ZNF557: variants seen among roughly 807,000 people sequenced by gnomAD.
ZNF557 encodes zinc finger protein 557.
ZNF557 carries 19 observed loss-of-function variants against 21.2 expected under a neutral mutation model. That is an observed-to-expected ratio of 0.90 (90% CI 0.63 to 1.32). ZNF557 has a LOEUF of 1.32. ZNF557 is among the 40% of genes most tolerant of loss of function. The probability of loss-of-function intolerance (pLI) is 0.00; values close to 1 mark genes in which losing one functional copy is unlikely to be tolerated. For synonymous variants in ZNF557, 207 were observed against 194.8 expected, an observed-to-expected ratio of 1.06 and a Z score of -0.52; for missense variants, 487 against 519.8, an observed-to-expected ratio of 0.94 and a Z score of 0.61.
At position 7,070,582 on chromosome 19, in the gene ZNF557, G is replaced by A. The variant is rs889237201; in HGVS notation, c.-151G>A. On this transcript the variant is annotated 5_prime_UTR_variant, in exon 2 of 8. Coordinates refer to ENST00000252840, the MANE Select transcript of ZNF557 (RefSeq NM_024341.3). ...TTTAGACGAAAAAAGTATAATTCAAGCTCAGATTTGTGTTGAAACCAGCCT... is the reference window on the plus strand; with the variant it reads ...TTTAGACGAAAAAAGTATAATTCAAACTCAGATTTGTGTTGAAACCAGCCT... 2 of 152,124 alleles carry A rather than the reference G, an allele frequency of 1.3e-5. No individual in the cohort carries two copies. The highest frequency in any genetic ancestry group is 4.8e-5 in the African/African-American group (2 of 41,412). The allele number at this position is 152,124 out of a possible 1,614,324, so 9.4% of individuals were successfully genotyped here. A position where few individuals can be genotyped will look rare whatever the true frequency, so the allele number is the denominator to read the frequency against.
chr19:7,079,240 C>CTTT (rs71177151), intron 5 of ZNF557, among the ~76,000 whole-genome samples: 1 of 87,496 alleles, frequency 1.1e-5, no homozygotes, highest in African/African-American at 4.7e-5. Context: ...TTTTTTGTTT[C>CTTT]TTTTTTTTTT....
intron 5 of ZNF557, among the ~76,000 whole-genome samples, chr19:7,077,378 C>T (rs1253419411): frequency 2.6e-5 from 4 of 152,014 alleles, no homozygotes; most frequent in Admixed American, 2.6e-4. Flanking sequence ...TCAAGTGATC[C>T]ACCCACCTCA....
chr19:7,074,962 G>A (rs1028448927), intron 2 of ZNF557, 34 bp from the exon 3 acceptor site: 2 of 1,566,536 alleles, frequency 1.3e-6, no homozygotes, highest in Non-Finnish European at 1.7e-6. Context: ...TGGAGGGGGT[G>A]ACCGAGGCAG....
intron 5 of ZNF557, among the ~76,000 whole-genome samples, chr19:7,081,159 G>A (rs1599843496): frequency 3.8e-5 from 1 of 26,108 alleles, no homozygotes; most frequent in Non-Finnish European, 9.3e-5. Flanking sequence ...GGGTGTGTGT[G>A]TGTGTGTGTG....
At chr19:7,081,480 C>A in intron 6 of ZNF557, 25 bp downstream of exon 6, 2 of 1,512,924 alleles carry the variant, frequency 1.3e-6, no homozygotes, top group Non-Finnish European at 1.8e-6. Flanking sequence ...GATATAAGTC[C>A]TTGTGAGGAA....
rs1323954452 is a variant in ZNF557 at position 7,083,792 on chromosome 19, T to C, written c.*48T>C. On this transcript the variant is annotated 3_prime_UTR_variant, in exon 8 of 8. Coordinates refer to ENST00000252840, the MANE Select transcript of ZNF557 (RefSeq NM_024341.3). The stretch of plus-strand genomic sequence containing the variant: ...ATTCATTGATCTTTCATGCCTCAGA[T>C]AACATGAGCAAACTCTAACAAGATG... The C allele has an allele frequency of 1.3e-6, 2 of 1,545,394 alleles. No homozygotes were observed. The highest frequency in any genetic ancestry group is 3.9e-5 in the Admixed American group (2 of 51,040).
chr19:7,075,659 G>C lies in ZNF557; in HGVS notation c.36G>C (p.Leu12=). The C allele has an allele frequency of 6.2e-7, 1 of 1,613,478 alleles. No homozygotes were observed. Among genetic ancestry groups the C allele is most frequent in the Non-Finnish European group, 8.5e-7 (1 of 1,179,524 alleles). The change falls in exon 4 of 8, where the codon CTG becomes CTC. Residue 12 remains leucine, a synonymous_variant. Transcript: ENST00000252840. ...AAVVLPPTAA[L]SSLFPASQRE... is the part of the protein sequence containing the mutation. ...TACTCATTTCTCCTCCTCCAGCTCT[G>C]TCTTCCCTGTTCCCAGCCTCTCAGC...
Position 7,083,869 on chromosome 19 carries a change from TCAAA to T in ZNF557, c.*130_*133del, listed in dbSNP as rs1260794586. The T allele has an allele frequency of 1.0e-5, 13 of 1,271,448 alleles. No individual in the cohort carries two copies. In the Admixed American group the frequency reaches 3.2e-4, roughly 31 times the overall value. The allele number at this position is 1,271,448 out of a possible 1,614,324, so 78.8% of individuals were successfully genotyped here. A position where few individuals can be genotyped will look rare whatever the true frequency, so the allele number is the denominator to read the frequency against. ...AATTACCCCCCAAAATTTTGTGGCT[TCAAA>T]CAAAAACACTTGTTATCTCAAAATT... is the stretch of plus-strand genomic sequence containing the variant. On this transcript the variant is annotated 3_prime_UTR_variant, in exon 8 of 8. Coordinates refer to ENST00000252840, the MANE Select transcript of ZNF557 (RefSeq NM_024341.3).
At position 7,070,634 on chromosome 19, in the gene ZNF557, G is replaced by A. The variant is rs1490522715; in HGVS notation, c.-99G>A. On this transcript the variant is annotated 5_prime_UTR_variant, in exon 2 of 8. The change creates a new upstream start codon in the 5' untranslated region. Coordinates refer to ENST00000252840, the MANE Select transcript of ZNF557 (RefSeq NM_024341.3). The stretch of plus-strand genomic sequence containing the variant: ...AAGTTTCACCTATCCTCACTGATCC[G>A]TGGACTTCTGTATGATCAGGTAGGT... 3 of 152,120 alleles carry A rather than the reference G, an allele frequency of 2.0e-5. No homozygotes were observed. The highest frequency in any genetic ancestry group is 4.4e-5 in the Non-Finnish European group (3 of 68,036). The allele number at this position is 152,120 out of a possible 1,614,324, so 9.4% of individuals were successfully genotyped here.
rs764538115 is a variant in ZNF557 at position 7,082,831 on chromosome 19, G to A, written c.427-47G>A. ...GGAAATTCCTCTGACAGCATTCAATGTTAAAAATATTATAAATGGTACTTA... is the reference window on the plus strand; with the variant it reads ...GGAAATTCCTCTGACAGCATTCAATATTAAAAATATTATAAATGGTACTTA... On this transcript the variant is annotated intron_variant, in intron 7 of 7. Coordinates refer to ENST00000252840, the MANE Select transcript of ZNF557 (RefSeq NM_024341.3). 5 of 1,507,210 alleles carry A rather than the reference G, an allele frequency of 3.3e-6. No homozygotes were observed. The African/African-American group carries it at 7.0e-5, about 21-fold the overall frequency. The allele number at this position is 1,507,210 out of a possible 1,614,324, so 93.4% of individuals were successfully genotyped here. A position where few individuals can be genotyped will look rare whatever the true frequency, so the allele number is the denominator to read the frequency against.
chr19:7,070,787 A>G (rs1159574790), intron 2 of ZNF557, 134 bp downstream of exon 2: 3 of 146,606 alleles, frequency 2.0e-5, no homozygotes, highest in Non-Finnish European at 3.0e-5. Flanking sequence ...TTTTTTTGAG[A>G]CAGAGTCTCA....
chr19:7,076,410 G>A lies in ZNF557; in HGVS notation c.150G>A (p.Val50=). The A allele has an allele frequency of 6.2e-7, 1 of 1,614,172 alleles. No individual in the cohort carries two copies. The highest frequency in any genetic ancestry group is 8.5e-7 in the Non-Finnish European group (1 of 1,180,032). ...KGLVTFEDVA[V]EFTQEEWALL... ...TGGTGACCTTTGAGGATGTGGCCGT[G>A]GAGTTCACCCAGGAGGAGTGGGCAT... The change falls in exon 5 of 8, where the codon GTG becomes GTA. Residue 50 remains valine, a synonymous_variant. Transcript: ENST00000252840.
chr19:7,081,314 C>G, intron 5 of ZNF557, 46 bp from the exon 6 acceptor site: 2 of 1,331,598 alleles, frequency 1.5e-6, no homozygotes, highest in Non-Finnish European at 2.2e-6. Flanking sequence ...GAGAGCTTGT[C>G]TGCTGCACAG....
intron 2 of ZNF557, among the ~76,000 whole-genome samples, chr19:7,074,158 G>A (rs1009325445): frequency 6.6e-6 from 1 of 151,814 alleles, no homozygotes; most frequent in Non-Finnish European, 1.5e-5. Context: ...GTGCCATCAC[G>A]CCCAGCTAAT....
chr19:7,082,747 C>T, intron 7 of ZNF557, 131 bp from the exon 8 acceptor site: 4 of 866,852 alleles, frequency 4.6e-6, no homozygotes, highest in Non-Finnish European at 5.0e-6. Context: ...TGTACCAGCA[C>T]TCATGATGGC....
At chr19:7,082,356 G>C (rs989539499) in intron 7 of ZNF557, among the ~76,000 whole-genome samples, 8 of 148,478 alleles carry the variant, frequency 5.4e-5, no homozygotes. Flanking sequence ...CCTGGAGGTG[G>C]AGCTTGCAGT....
At chr19:7,074,972 G>C in intron 2 of ZNF557, 24 bp from the exon 3 acceptor site, 1 of 1,583,172 alleles carries the variant, frequency 6.3e-7, no homozygotes, top group South Asian at 1.1e-5. Context: ...GACCGAGGCA[G>C]AGTGTTCCCC....
In ZNF557 at chr19:7,075,509, G is replaced by A. The variant is rs1348570777; in HGVS notation, c.32-146G>A. On this transcript the variant is annotated intron_variant, in intron 3 of 7. Transcript: ENST00000252840. ...TTTCCTTGGATTGCTGTGGGTTGGT[G>A]TTTGCTTGGAGTAGAGGTGGATGCT... The A allele has an allele frequency of 3.9e-6, 3 of 775,886 alleles. No homozygotes were observed. In the East Asian group the frequency reaches 8.2e-5, roughly 21 times the overall value. The allele number at this position is 775,886 out of a possible 1,614,324, so 48.1% of individuals were successfully genotyped here. A position where few individuals can be genotyped will look rare whatever the true frequency, so the allele number is the denominator to read the frequency against.
At position 7,083,219 on chromosome 19, in the gene ZNF557, A is replaced by G; in HGVS notation, c.768A>G (p.Arg256=). ...CCTCATACCTCAGACCGCACTTGAG[A>G]ATTCACACTGGAGAAAAACCGTACA... is the stretch of plus-strand genomic sequence containing the variant. ...SNSSYLRPHL[R]IHTGEKPYKC... Residue 256 remains arginine (R), a synonymous_variant, in exon 8 of 8, where the codon AGA becomes AGG. Coordinates refer to ENST00000252840, the MANE Select transcript of ZNF557 (RefSeq NM_024341.3). The G allele has an allele frequency of 6.2e-7, 1 of 1,614,242 alleles. No homozygotes were observed. Among genetic ancestry groups the G allele is most frequent in the Non-Finnish European group, 8.5e-7 (1 of 1,180,044 alleles).
Sources: allele counts gnomAD v4.1 joint callset (sites outside exome capture counted in the v4.1 genomes callset), GRCh38; gene constraint gnomAD v4.1.1; transcripts MANE v1.5; gene names NCBI Gene and HGNC (gene_info 2026-07-23, HGNC 2026-07-21).